The following CDV3 variants were observed in gnomAD, a reference collection of about 807,000 sequenced individuals.
CDV3 encodes protein CDV3 homolog.
In CDV3, 14 loss-of-function variants were observed where a neutral mutation model predicts 24.5. The observed-to-expected ratio is 0.57, with a 90% CI of 0.38 to 0.89. The LOEUF is 0.89. Among genes scored for constraint, CDV3 ranks in the 40% least tolerant of loss-of-function variants. CDV3 has a pLI of 0.00. For synonymous variants in CDV3, 114 were observed against 114.1 expected (o/e 1.00, Z 0.00); for missense variants, 304 against 310.2 (o/e 0.98, Z 0.15).
chr3:133,587,342 G>A, intron 4 of CDV3: 1 of 1,247,546 alleles, frequency 8.0e-7, no homozygotes, highest in Non-Finnish European at 1.0e-6. Flanking sequence ...CACTTTGAGA[G>A]CACAGCTGGC....
At position 133,589,276 on chromosome 3, in the gene CDV3, C is replaced by G. The variant is rs923788691; in HGVS notation, c.*1230C>G. 2 of 152,640 alleles carry G rather than the reference C, an allele frequency of 1.3e-5. No individual in the cohort carries two copies. The highest frequency in any genetic ancestry group is 4.8e-5 in the African/African-American group (2 of 41,430). The allele number at this position is 152,640 out of a possible 1,614,324, so 9.5% of individuals were successfully genotyped here. ...CAAGGTATTGGCTGTTCTATAGATG[C>G]AGTGATTGTCCCAGCTAGCTCTGTT... On this transcript the variant is annotated 3_prime_UTR_variant, in exon 5 of 5. Coordinates refer to ENST00000264993, the MANE Select transcript of CDV3 (RefSeq NM_017548.5).
intron 4 of CDV3, chr3:133,587,183 TG>T: frequency 1.5e-6 from 2 of 1,358,662 alleles, no homozygotes; most frequent in Non-Finnish European, 1.9e-6. Flanking sequence ...GAATGCTACC[TG>T]GAATTAAATG....
In CDV3 at chr3:133,589,354, A is replaced by G. The variant is rs771362221; in HGVS notation, c.*1308A>G. On this transcript the variant is annotated 3_prime_UTR_variant, in exon 5 of 5. Transcript: ENST00000264993. Reference sequence around the variant, plus strand: ...CATTTGGAGAGTCAGGGCGAAAGACAGGTGATGTAGCACTTCTGTTTTTAA... The same window carrying G: ...CATTTGGAGAGTCAGGGCGAAAGACGGGTGATGTAGCACTTCTGTTTTTAA... 6.6e-6 allele frequency: 1 copy of G among 152,646 alleles called. No individual in the cohort carries two copies. Among genetic ancestry groups the G allele is most frequent in the Non-Finnish European group, 1.5e-5 (1 of 68,048 alleles). The allele number at this position is 152,646 out of a possible 1,614,324, so 9.5% of individuals were successfully genotyped here.
In CDV3 at chr3:133,588,706, C is replaced by CTT. The variant is rs749160265; in HGVS notation, c.*661_*662insTT. The CTT allele has an allele frequency of 1.1e-4, 29 of 260,126 alleles. 3 individuals are homozygous for CTT. The highest frequency in any genetic ancestry group is 2.6e-4 in the African/African-American group (12 of 45,294). 16.1% of individuals were successfully genotyped at this position (260,126 alleles called of 1,614,324 possible). A position where few individuals can be genotyped will look rare whatever the true frequency, so the allele number is the denominator to read the frequency against. Reference sequence around the variant, plus strand: ...GTAGGGCTGTGATTTGTAATTTAAACTAATTGTATTCTGAGGTAACCACAA... The same window carrying CTT: ...GTAGGGCTGTGATTTGTAATTTAAACTTTAATTGTATTCTGAGGTAACCACAA... On this transcript the variant is annotated 3_prime_UTR_variant, in exon 5 of 5. Coordinates refer to ENST00000264993, the MANE Select transcript of CDV3 (RefSeq NM_017548.5).
At chr3:133,575,202 T>G (rs1327618285) in intron 2 of CDV3, 87 bp downstream of exon 2, 18 of 744,604 alleles carry the variant, frequency 2.4e-5, no homozygotes, top group Non-Finnish European at 3.6e-5. Context: ...CAAAGCAGCA[T>G]CATAGTAGCC....
At chr3:133,581,287 G>T (rs72970169) in intron 2 of CDV3, among the ~76,000 whole-genome samples, 23,367 of 152,062 alleles carry the variant, frequency 0.15, 2,095 homozygotes, top group East Asian at 0.31. Context: ...GGGAGGCTGA[G>T]GTGGGAGTAT....
intron 2 of CDV3, among the ~76,000 whole-genome samples, chr3:133,583,268 T>C (rs1933240109): frequency 6.6e-6 from 1 of 152,250 alleles, no homozygotes; most frequent in African/African-American, 2.4e-5. Flanking sequence ...ATGTGAATTC[T>C]AATTCTGAGA....
At chr3:133,584,880 G>A (rs1438604469) in intron 3 of CDV3, among the ~76,000 whole-genome samples, 2 of 152,070 alleles carry the variant, frequency 1.3e-5, no homozygotes, top group African/African-American at 2.4e-5. Flanking sequence ...TTCATGGAGT[G>A]GGGGGCAGTT....
At position 133,588,081 on chromosome 3, in the gene CDV3, G is replaced by T; in HGVS notation, c.*35G>T. On this transcript the variant is annotated 3_prime_UTR_variant, in exon 5 of 5. Coordinates refer to ENST00000264993, the MANE Select transcript of CDV3 (RefSeq NM_017548.5). ...TTTGCTAACCCTTCTGAGGTAACTA[G>T]ACTGCAGCTAACCACCACCAACAGC... The T allele has an allele frequency of 6.3e-7, 1 of 1,599,618 alleles. No individual in the cohort carries two copies. Among genetic ancestry groups the T allele is most frequent in the South Asian group, 1.1e-5 (1 of 89,412 alleles).
chr3:133,574,786 C>T (rs557005811), intron 1 of CDV3: 2 of 1,058,656 alleles, frequency 1.9e-6, no homozygotes, highest in East Asian at 8.5e-5. Context: ...TGACTTCTTC[C>T]TTCGGCTTTT....
At chr3:133,587,544 C>T in intron 4 of CDV3, 1 of 1,098,788 alleles carries the variant, frequency 9.1e-7, no homozygotes, top group Non-Finnish European at 1.1e-6. Flanking sequence ...AAAATTGTTA[C>T]CCTTGTGCAT....
At chr3:133,581,266 C>G (rs993058510) in intron 2 of CDV3, among the ~76,000 whole-genome samples, 3 of 151,992 alleles carry the variant, frequency 2.0e-5, no homozygotes, top group Non-Finnish European at 2.9e-5. Context: ...ACCTTTAGTT[C>G]TAGCTTACTT....
intron 2 of CDV3, among the ~76,000 whole-genome samples, chr3:133,583,407 G>A (rs570052891): frequency 1.3e-5 from 2 of 152,126 alleles, no homozygotes; most frequent in African/African-American, 4.8e-5. Context: ...TTTTGTAATT[G>A]TGCTCTTAAT....
chr3:133,590,228 CAT>C lies in CDV3; in HGVS notation c.*2183_*2184del, dbSNP rs1933987473. 1 of 152,134 alleles carries C rather than the reference CAT, an allele frequency of 6.6e-6. No homozygotes were observed. The highest frequency in any genetic ancestry group is 2.4e-5 in the African/African-American group (1 of 41,428). The allele number at this position is 152,134 out of a possible 1,614,324, so 9.4% of individuals were successfully genotyped here. ...GTTTGGCAGTGCAAGAATTCTGTAA[CAT>C]TAACAAATTCAATAAAAAGTAAATA... is the stretch of plus-strand genomic sequence containing the variant. On this transcript the variant is annotated 3_prime_UTR_variant, in exon 5 of 5. Coordinates refer to ENST00000264993, the MANE Select transcript of CDV3 (RefSeq NM_017548.5).
intron 2 of CDV3, among the ~76,000 whole-genome samples, chr3:133,582,858 GT>G (rs1933182620): frequency 6.6e-6 from 1 of 152,168 alleles, no homozygotes; most frequent in Non-Finnish European, 1.5e-5. Context: ...CAAAAAGGAC[GT>G]TCGATTTAGC....
chr3:133,574,018 C>T lies in CDV3; in HGVS notation c.-27C>T, dbSNP rs903147912. On this transcript the variant is annotated 5_prime_UTR_variant, in exon 1 of 5. Coordinates refer to ENST00000264993, the MANE Select transcript of CDV3 (RefSeq NM_017548.5). Reference sequence around the variant, plus strand: ...CGGGCCGCGCCCGCCGCCGGCCCCACCCATCCGGGTCGAGGAGGCCGAGGC... The same window carrying T: ...CGGGCCGCGCCCGCCGCCGGCCCCATCCATCCGGGTCGAGGAGGCCGAGGC... 3.7e-6 allele frequency: 4 copies of T among 1,077,180 alleles called. No homozygotes were observed. The highest frequency in any genetic ancestry group is 4.5e-6 in the Non-Finnish European group (4 of 880,002). The allele number at this position is 1,077,180 out of a possible 1,614,324, so 66.7% of individuals were successfully genotyped here.
In CDV3 at chr3:133,588,293, G is replaced by T; in HGVS notation, c.*247G>T. The T allele has an allele frequency of 6.5e-7, 1 of 1,537,958 alleles. No homozygotes were observed. On this transcript the variant is annotated 3_prime_UTR_variant, in exon 5 of 5. Transcript: ENST00000264993. ...AACAGTGTTCTTTCATATTTACTCT[G>T]CAAATACAAAAAACCAAAACCTGCA...
At chr3:133,576,781 T>G (rs1371662563) in intron 2 of CDV3, among the ~76,000 whole-genome samples, 1 of 150,924 alleles carries the variant, frequency 6.6e-6, no homozygotes, top group Non-Finnish European at 1.5e-5. Flanking sequence ...TTGCCAGGGA[T>G]ATAAGTAAGT....
At chr3:133,576,775 C>T (rs781004064) in intron 2 of CDV3, among the ~76,000 whole-genome samples, 2 of 148,928 alleles carry the variant, frequency 1.3e-5, no homozygotes, top group African/African-American at 4.9e-5. Context: ...TCACCCTTGC[C>T]AGGGATATAA....
Sources: gnomAD v4.1 joint callset for allele counts (sites outside exome capture counted in the v4.1 genomes callset) on GRCh38, gnomAD v4.1.1 for gene constraint, MANE v1.5 for transcripts, NCBI Gene and HGNC (gene_info 2026-07-23, HGNC 2026-07-21) for gene names.